Variants in SEMA4D observed in about 807,000 individuals in gnomAD.
SEMA4D encodes semaphorin 4D, also known as semaphorin-4D.
In SEMA4D, 22 loss-of-function variants were observed where a neutral mutation model predicts 74.8. The observed-to-expected ratio is 0.29, with a 90% CI of 0.21 to 0.42. SEMA4D has a LOEUF of 0.42. Among genes scored for constraint, SEMA4D ranks in the 10% least tolerant of loss-of-function variants. The probability of loss-of-function intolerance (pLI) is 1.00; values close to 1 mark genes in which losing one functional copy is unlikely to be tolerated. For synonymous variants in SEMA4D, 445 were observed against 463.7 expected (o/e 0.96, Z 0.52); for missense variants, 937 against 1,118.4 (o/e 0.84, Z 2.31).
At chr9:89,398,814 T>C (rs1346032684) in intron 5 of SEMA4D, among the ~76,000 whole-genome samples, 1 of 152,172 alleles carries the variant, frequency 6.6e-6, no homozygotes, top group African/African-American at 2.4e-5. Context: ...TGCAAGAGGT[T>C]GAGCACAGCA....
intron 1 of SEMA4D, among the ~76,000 whole-genome samples, chr9:89,486,443 T>C (rs761726116): frequency 1.6e-4 from 25 of 152,188 alleles, no homozygotes; most frequent in Non-Finnish European, 3.1e-4. Flanking sequence ...CCACATGCAT[T>C]AACCAAAACT....
chr9:89,371,204 G>A (rs1364891991), intron 16 of SEMA4D, among the ~76,000 whole-genome samples: 1 of 132,362 alleles, frequency 7.6e-6, no homozygotes, highest in African/African-American at 2.9e-5. Context: ...TGTATCTGGG[G>A]TGTGGTGTGT....
At chr9:89,452,186 T>TC (rs1554777598) in intron 2 of SEMA4D, among the ~76,000 whole-genome samples, 4 of 148,934 alleles carry the variant, frequency 2.7e-5, no homozygotes, top group Admixed American at 1.3e-4. Flanking sequence ...TTTTTTGTTT[T>TC]TTTTTTTTTT....
Position 89,393,533 on chromosome 9 carries a change from G to A in SEMA4D, c.508+29C>T, listed in dbSNP as rs371783955. On this transcript the variant is annotated intron_variant, in intron 7 of 15. Coordinates refer to ENST00000422704, the MANE Select transcript of SEMA4D (RefSeq NM_001371194.2). ...ATTAACATGCCACTGTAATCTTCAC[G>A]GTGAAGGAACTGGAGGGGCAGGACT... 1.3e-4 allele frequency: 208 copies of A among 1,550,924 alleles called. No homozygotes were observed. The African/African-American group carries it at 2.0e-3, about 15-fold the overall frequency.
chr9:89,440,094 A>C lies in SEMA4D; in HGVS notation c.-244+15794T>G, dbSNP rs546445208. On this transcript the variant is annotated intron_variant, in intron 2 of 15. Coordinates refer to ENST00000422704, the MANE Select transcript of SEMA4D (RefSeq NM_001371194.2). Reference sequence around the variant, plus strand: ...GTCCACAGAGAATGGAGCCACGATAAGAGGCCTGGTGTCCTCCCTGTGAGC... The same window carrying C: ...GTCCACAGAGAATGGAGCCACGATACGAGGCCTGGTGTCCTCCCTGTGAGC... Among the ~76,000 whole-genome samples, 6 of 152,268 alleles carry C rather than the reference A, an allele frequency of 3.9e-5. No homozygotes were observed. In the South Asian group the frequency reaches 6.2e-4, roughly 16 times the overall value.
intron 2 of SEMA4D, among the ~76,000 whole-genome samples, chr9:89,430,544 A>G (rs2134601922): frequency 6.6e-6 from 1 of 152,290 alleles, no homozygotes; most frequent in Non-Finnish European, 1.5e-5. Flanking sequence ...GGGGAGGGGG[A>G]AACTGGCCTC....
chr9:89,392,301 C>A (rs539403766), intron 8 of SEMA4D, 122 bp downstream of exon 8: 5 of 690,332 alleles, frequency 7.2e-6, no homozygotes, highest in Admixed American at 2.5e-5. Context: ...GTATCCCCCA[C>A]AAACAGGGGC....
intron 1 of SEMA4D, among the ~76,000 whole-genome samples, chr9:89,461,310 G>A (rs1050177597): frequency 2.6e-5 from 4 of 152,262 alleles, no homozygotes; most frequent in East Asian, 1.9e-4. Context: ...TATCAGCAAC[G>A]AGCAGAAATT....
chr9:89,466,620 TCAC>T (rs879756850), intron 1 of SEMA4D, among the ~76,000 whole-genome samples: 19,636 of 152,240 alleles, frequency 0.13, 1,333 homozygotes, highest in Middle Eastern at 0.22. Context: ...GAAGCATCAC[TCAC>T]CTGCATGTGC....
At position 89,418,143 on chromosome 9, in the gene SEMA4D, C is replaced by T. The variant is rs188795226; in HGVS notation, c.-243-12444G>A. On this transcript the variant is annotated intron_variant, in intron 2 of 15. Transcript: ENST00000422704. The stretch of plus-strand genomic sequence containing the variant: ...GCTGTGAAAATAATGGGAAACAAGG[C>T]TATTTAAGCCCTTAAACTGTGCATC... The T allele has an allele frequency of 3.9e-5, 38 of 972,976 alleles. No homozygotes were observed. The African/African-American group carries it at 5.4e-4, about 14-fold the overall frequency. The allele number at this position is 972,976 out of a possible 1,614,324, so 60.3% of individuals were successfully genotyped here. A position where few individuals can be genotyped will look rare whatever the true frequency, so the allele number is the denominator to read the frequency against.
intron 2 of SEMA4D, among the ~76,000 whole-genome samples, chr9:89,411,188 G>A (rs1262778929): frequency 6.6e-6 from 1 of 152,182 alleles, no homozygotes; most frequent in South Asian, 2.1e-4. Context: ...TCTCAGAAAT[G>A]CATTTTAAGG....
At chr9:89,389,151 T>C (rs1032944863) in intron 9 of SEMA4D, 104 bp from the exon 10 acceptor site, 47 of 1,226,384 alleles carry the variant, frequency 3.8e-5, no homozygotes, top group Non-Finnish European at 5.4e-5. Context: ...AGCGCGGCTG[T>C]GCCTGACTGA....
At chr9:89,436,996 T>TCA (rs558791108) in intron 2 of SEMA4D, among the ~76,000 whole-genome samples, 171 of 152,322 alleles carry the variant, frequency 1.1e-3, no homozygotes, top group African/African-American at 3.7e-3. Context: ...ATGTCCAGCC[T>TCA]TGGACTCAGG....
intron 16 of SEMA4D, among the ~76,000 whole-genome samples, chr9:89,370,166 CTGTG>C (rs1264472392): frequency 6.8e-6 from 1 of 146,384 alleles, no homozygotes; most frequent in Admixed American, 6.8e-5. Context: ...TATGCATGGT[CTGTG>C]TGTATGGTGT....
intron 1 of SEMA4D, among the ~76,000 whole-genome samples, chr9:89,459,047 C>T (rs768385590): frequency 1.3e-4 from 20 of 152,214 alleles, no homozygotes; most frequent in Non-Finnish European, 2.4e-4. Context: ...CCCAGCATTC[C>T]CACCCACTCA....
chr9:89,431,934 C>T (rs1263253537), intron 2 of SEMA4D, among the ~76,000 whole-genome samples: 2 of 152,220 alleles, frequency 1.3e-5, no homozygotes, highest in Non-Finnish European at 2.9e-5. Context: ...GTCAAGGCCC[C>T]AATACGAGCT....
At chr9:89,367,796 G>A (rs962985510) in intron 16 of SEMA4D, 2 of 152,202 alleles carry the variant, frequency 1.3e-5, no homozygotes, top group African/African-American at 4.8e-5. Flanking sequence ...TATTCACCAG[G>A]GCTGGGTTTA....
rs751040830 is a variant in SEMA4D at position 89,392,546 on chromosome 9, C to T, written c.509-10G>A. ...GAATAAAGTTCTCCATCTGCAGGGG[C>T]CCAGAAGAAAAGAGGAAAAGGGAAC... On this transcript the variant is annotated splice_polypyrimidine_tract_variant and intron_variant, in intron 7 of 15. Coordinates refer to ENST00000422704, the MANE Select transcript of SEMA4D (RefSeq NM_001371194.2). 7 of 1,589,120 alleles carry T rather than the reference C, an allele frequency of 4.4e-6. No homozygotes were observed. In the South Asian group the frequency reaches 5.5e-5, roughly 13 times the overall value.
intron 2 of SEMA4D, among the ~76,000 whole-genome samples, chr9:89,452,421 G>A (rs62549801): frequency 0.2 from 30,160 of 151,728 alleles, 3,402 homozygotes; most frequent in Non-Finnish European, 0.25. Flanking sequence ...CTCGTGATCC[G>A]CCAGCCCCGG....
Sources: gnomAD v4.1 joint callset for allele counts (sites outside exome capture counted in the v4.1 genomes callset) on GRCh38, gnomAD v4.1.1 for gene constraint, MANE v1.5 for transcripts, NCBI Gene and HGNC (gene_info 2026-07-23, HGNC 2026-07-21) for gene names.